Variants in HCK observed in about 807,000 individuals in gnomAD.
The protein encoded by HCK is HCK proto-oncogene, Src family tyrosine kinase.
A neutral mutation model predicts 70.4 loss-of-function variants in HCK; 40 were observed. The ratio of observed to expected loss-of-function variants is 0.57; its 90% confidence interval spans 0.44 to 0.74. The LOEUF is 0.74. Ranked by LOEUF, HCK falls within the 30% of genes least tolerant of loss-of-function variation. The pLI is 0.00. For missense variants in HCK, 568 were observed against 697.2 expected, an observed-to-expected ratio of 0.81 and a Z score of 2.09; for synonymous variants, 245 against 263.2, an observed-to-expected ratio of 0.93 and a Z score of 0.67.
At chr20:32,065,516 T>C in intron 1 of HCK, among the ~76,000 whole-genome samples, 1 of 152,236 alleles carries the variant, frequency 6.6e-6, no homozygotes, top group East Asian at 1.9e-4. Flanking sequence ...TCAGCTCTGT[T>C]GTCCTCTCTG....
chr20:32,062,525 A>T (rs2045395198), intron 1 of HCK, among the ~76,000 whole-genome samples: 1 of 152,168 alleles, frequency 6.6e-6, no homozygotes, highest in African/African-American at 2.4e-5. Context: ...CAGGCAAATG[A>T]TCAAAGCCCT....
chr20:32,052,624 C>G (rs1398853749), intron 1 of HCK, 138 bp downstream of exon 1: 1 of 568,478 alleles, frequency 1.8e-6, no homozygotes. Flanking sequence ...TCGGGGGAGC[C>G]GCGGGTAGCC....
chr20:32,096,499 C>CAAAAAA (rs55905450), intron 11 of HCK, among the ~76,000 whole-genome samples: 1 of 92,464 alleles, frequency 1.1e-5, no homozygotes. Context: ...GACTCCGTCT[C>CAAAAAA]AAAAAAAAAA....
chr20:32,053,091 C>G (rs1315409054), intron 1 of HCK, among the ~76,000 whole-genome samples: 1 of 152,182 alleles, frequency 6.6e-6, no homozygotes, highest in African/African-American at 2.4e-5. Flanking sequence ...GACGAATTCT[C>G]CGCCTCCGAA....
chr20:32,068,132 A>G (rs890789695), intron 1 of HCK, among the ~76,000 whole-genome samples: 4 of 151,876 alleles, frequency 2.6e-5, no homozygotes, highest in Non-Finnish European at 5.9e-5. Flanking sequence ...CCCTGTCTCT[A>G]CTAAAAAATA....
chr20:32,053,619 CAGAG>C (rs1176364190), intron 1 of HCK, among the ~76,000 whole-genome samples: 1 of 112,936 alleles, frequency 8.9e-6, no homozygotes, highest in Non-Finnish European at 1.6e-5. Flanking sequence ...GCCTGGGCGA[CAGAG>C]AGAGACTCTG....
intron 8 of HCK, 77 bp downstream of exon 8, chr20:32,084,620 T>C (rs779244165): frequency 5.2e-5 from 71 of 1,369,774 alleles, no homozygotes; most frequent in Non-Finnish European, 6.7e-5. Context: ...AGGAACACCT[T>C]ATGGCAAAGC....
intron 6 of HCK, 145 bp downstream of exon 6, chr20:32,080,022 C>A: frequency 1.5e-6 from 1 of 650,480 alleles, no homozygotes; most frequent in South Asian, 1.8e-5. Context: ...TGCTCTTGGC[C>A]ACCTGAGCTG....
intron 10 of HCK, among the ~76,000 whole-genome samples, chr20:32,092,295 T>C (rs2045875803): frequency 1.3e-5 from 2 of 152,180 alleles, no homozygotes; most frequent in Non-Finnish European, 2.9e-5. Context: ...CCTGGTGGTG[T>C]GATCTGGAAC....
intron 10 of HCK, among the ~76,000 whole-genome samples, chr20:32,091,933 T>C (rs562370705): frequency 2.0e-5 from 3 of 151,526 alleles, no homozygotes; most frequent in Non-Finnish European, 2.9e-5. Context: ...TGCAGTAAGC[T>C]GTGATCCCAC....
intron 11 of HCK, among the ~76,000 whole-genome samples, chr20:32,095,816 A>G (rs1569012324): frequency 2.0e-5 from 3 of 152,338 alleles, no homozygotes; most frequent in South Asian, 4.1e-4. Flanking sequence ...TTATAGCACT[A>G]GAGGTCAGAA....
chr20:32,094,014 A>C lies in HCK; in HGVS notation c.1244A>C (p.Glu415Ala). The change falls in exon 11 of 13, where the codon GAA becomes GCA. Residue 415 changes from glutamate to alanine, a missense_variant and splice_region_variant. Glu to Ala is a moderately radical substitution (Grantham distance 107). Coordinates refer to ENST00000375852, the MANE Select transcript of HCK (RefSeq NM_002110.5). ...GAGGACAACGAGTACACGGCTCGGGAAGGTAGGGAACGCTGCCAAGCAGCC... is the reference window on the plus strand; with the variant it reads ...GAGGACAACGAGTACACGGCTCGGGCAGGTAGGGAACGCTGCCAAGCAGCC... 6.2e-7 allele frequency: 1 copy of C among 1,612,194 alleles called. No homozygotes were observed. The highest frequency in any genetic ancestry group is 8.5e-7 in the Non-Finnish European group (1 of 1,179,338).
chr20:32,095,013 T>G (rs1179072881), intron 11 of HCK, among the ~76,000 whole-genome samples: 2 of 152,176 alleles, frequency 1.3e-5, no homozygotes, highest in African/African-American at 2.4e-5. Context: ...AATTGGACAT[T>G]CATGGCAGCA....
In HCK at chr20:32,079,296, C is replaced by T. The variant is rs111942775; in HGVS notation, c.429-478C>T. 9.5e-3 allele frequency among the ~76,000 whole-genome samples: 1,452 copies of T among 152,252 alleles called. 25 individuals are homozygous for T. The highest frequency in any genetic ancestry group is 0.033 in the African/African-American group (1,387 of 41,546). On this transcript the variant is annotated intron_variant, in intron 5 of 12. Coordinates refer to ENST00000375852, the MANE Select transcript of HCK (RefSeq NM_002110.5). Reference sequence around the variant, plus strand: ...GTTGTAAAGCTAACAAAACTCAGGCCCTTCACAGGCTTCCAAGGTCCCAAG... The same window carrying T: ...GTTGTAAAGCTAACAAAACTCAGGCTCTTCACAGGCTTCCAAGGTCCCAAG...
At chr20:32,098,199 T>C (rs977154934) in intron 11 of HCK, among the ~76,000 whole-genome samples, 2 of 152,222 alleles carry the variant, frequency 1.3e-5, no homozygotes, top group Admixed American at 1.3e-4. Flanking sequence ...CCTGCCACCA[T>C]GCCCAGCTAA....
Position 32,101,630 on chromosome 20 carries a change from G to A in HCK, c.*111G>A, listed in dbSNP as rs1477567205. 3 of 836,960 alleles carry A rather than the reference G, an allele frequency of 3.6e-6. No homozygotes were observed. Among genetic ancestry groups the A allele is most frequent in the East Asian group, 2.7e-5 (1 of 37,458 alleles). 51.8% of individuals were successfully genotyped at this position (836,960 alleles called of 1,614,324 possible). ...TTCCTACTCCCAGACACCCACCCTC[G>A]CTTCAGCCACAGTTTCCTCATCTGT... is the stretch of plus-strand genomic sequence containing the variant. On this transcript the variant is annotated 3_prime_UTR_variant, in exon 13 of 13. Transcript: ENST00000375852.
At chr20:32,075,836 G>A (rs757365555) in intron 5 of HCK, among the ~76,000 whole-genome samples, 10 of 152,128 alleles carry the variant, frequency 6.6e-5, no homozygotes, top group African/African-American at 1.7e-4. Context: ...GGTGGATGAG[G>A]TTGATGAGTA....
At chr20:32,070,713 C>T (rs1555875217) in intron 1 of HCK, among the ~76,000 whole-genome samples, 1 of 152,110 alleles carries the variant, frequency 6.6e-6, no homozygotes, top group Non-Finnish European at 1.5e-5. Flanking sequence ...TTTATTGTCT[C>T]TGTCTCCCAT....
intron 1 of HCK, among the ~76,000 whole-genome samples, chr20:32,070,088 C>T (rs564692532): frequency 1.1e-4 from 16 of 152,304 alleles, no homozygotes; most frequent in African/African-American, 3.4e-4. Context: ...TAATTCAATA[C>T]AGCAGCAAAG....
Sources: gnomAD v4.1 joint callset for allele counts (sites outside exome capture counted in the v4.1 genomes callset) on GRCh38, gnomAD v4.1.1 for gene constraint, MANE v1.5 for transcripts, NCBI Gene and HGNC (gene_info 2026-07-23, HGNC 2026-07-21) for gene names.